The following POU6F2 variants were observed in gnomAD, a reference collection of about 807,000 sequenced individuals.
POU6F2 encodes the protein POU domain, class 6, transcription factor 2.
Under a neutral mutation model 71.3 loss-of-function variants are expected in POU6F2, and 31 were observed. That is an observed-to-expected ratio of 0.43 (90% CI 0.33 to 0.59). POU6F2 has a LOEUF of 0.59. Ranked by LOEUF, POU6F2 falls within the 20% of genes least tolerant of loss-of-function variation. The pLI is 0.04. For missense variants in POU6F2, 783 were observed against 856.8 expected (o/e 0.91, Z 1.07); for synonymous variants, 347 against 355.7 (o/e 0.98, Z 0.27).
At chr7:39,140,147 C>A (rs1792465321) in intron 2 of POU6F2, among the ~76,000 whole-genome samples, 3 of 152,114 alleles carry the variant, frequency 2.0e-5, no homozygotes, top group Admixed American at 2.0e-4. Context: ...CTTTATTAAT[C>A]CTGCAAATGT....
chr7:39,073,623 A>G (rs748736900), intron 1 of POU6F2, among the ~76,000 whole-genome samples: 2 of 152,204 alleles, frequency 1.3e-5, no homozygotes, highest in African/African-American at 2.4e-5. Context: ...AGAGGGAGGG[A>G]CGGAGCAGCT....
chr7:39,317,556 CACTT>C (rs1017654840), intron 4 of POU6F2, among the ~76,000 whole-genome samples: 64 of 152,304 alleles, frequency 4.2e-4, no homozygotes, highest in African/African-American at 1.5e-3. Context: ...GGTTTCTTTT[CACTT>C]ACTTGTTTTA....
chr7:39,424,864 G>A (rs1787932820), intron 6 of POU6F2, among the ~76,000 whole-genome samples: 1 of 151,968 alleles, frequency 6.6e-6, no homozygotes, highest in East Asian at 1.9e-4. Flanking sequence ...AGTGTGGAGT[G>A]TGCTAGATTC....
At chr7:39,383,097 G>A (rs770481302) in intron 5 of POU6F2, among the ~76,000 whole-genome samples, 50 of 152,252 alleles carry the variant, frequency 3.3e-4, no homozygotes, top group Non-Finnish European at 3.7e-4. Context: ...AAGAGGACAG[G>A]TACCAAAATA....
chr7:39,207,275 G>GT, intron 3 of POU6F2, 117 bp from the exon 4 acceptor site: 3 of 927,684 alleles, frequency 3.2e-6, no homozygotes, highest in Non-Finnish European at 4.8e-6. Flanking sequence ...GATAGGGCAT[G>GT]TTTTTTGGTA....
chr7:39,329,828 G>A (rs550193110), intron 4 of POU6F2, among the ~76,000 whole-genome samples: 1 of 152,268 alleles, frequency 6.6e-6, no homozygotes, highest in South Asian at 2.1e-4. Context: ...CTGCATCTGA[G>A]AGAGTCCAAT....
rs555917160 is a variant in POU6F2 at position 39,343,708 on chromosome 7, T to G, written c.972+3693T>G. ...TGAGTCCCCCTTCTAGTTCTGACCCTGCCTCCAACTAACTCATAACTTTGG... is the reference window on the plus strand; with the variant it reads ...TGAGTCCCCCTTCTAGTTCTGACCCGGCCTCCAACTAACTCATAACTTTGG... On this transcript the variant is annotated intron_variant, in intron 5 of 9. Transcript: ENST00000518318. Among the ~76,000 whole-genome samples, 5 of 152,282 alleles carry G rather than the reference T, an allele frequency of 3.3e-5. No homozygotes were observed. The South Asian group carries it at 1.0e-3, about 32-fold the overall frequency.
At chr7:39,380,093 A>G (rs766937805) in intron 5 of POU6F2, among the ~76,000 whole-genome samples, 4 of 152,226 alleles carry the variant, frequency 2.6e-5, no homozygotes, top group South Asian at 2.1e-4. Context: ...AAAAATTGCC[A>G]TATTATTCAC....
intron 5 of POU6F2, among the ~76,000 whole-genome samples, chr7:39,354,767 T>C (rs1425662137): frequency 6.6e-6 from 1 of 152,170 alleles, no homozygotes; most frequent in Non-Finnish European, 1.5e-5. Context: ...TTAGGAGGAA[T>C]GTAAGACTTC....
At chr7:39,427,710 A>G (rs916377521) in intron 6 of POU6F2, among the ~76,000 whole-genome samples, 1 of 152,334 alleles carries the variant, frequency 6.6e-6, no homozygotes. Flanking sequence ...GAAAGATCTG[A>G]GGAAGTCACC....
intron 1 of POU6F2, among the ~76,000 whole-genome samples, chr7:39,074,480 C>G (rs574855281): frequency 1.3e-5 from 2 of 150,742 alleles, no homozygotes; most frequent in South Asian, 2.1e-4. Context: ...ACTTGTCCCC[C>G]CCTCAAAAAA....
At chr7:39,050,845 T>C (rs545721453) in intron 1 of POU6F2, among the ~76,000 whole-genome samples, 4 of 152,234 alleles carry the variant, frequency 2.6e-5, no homozygotes, top group Non-Finnish European at 5.9e-5. Flanking sequence ...TCATGAAAAT[T>C]TGATAGTTTT....
At chr7:39,257,877 A>G (rs1418319126) in intron 4 of POU6F2, among the ~76,000 whole-genome samples, 1 of 152,042 alleles carries the variant, frequency 6.6e-6, no homozygotes, top group East Asian at 1.9e-4. Context: ...ATTTTTCCCC[A>G]TAGACGTGTT....
chr7:39,018,918 C>T (rs13244920), intron 1 of POU6F2, among the ~76,000 whole-genome samples: 30,940 of 152,052 alleles, frequency 0.2, 3,453 homozygotes, highest in South Asian at 0.36. Context: ...AATTCATTTG[C>T]TTCTTGGAAA....
intron 4 of POU6F2, among the ~76,000 whole-genome samples, chr7:39,245,190 G>A (rs1783798345): frequency 6.6e-6 from 1 of 152,130 alleles, no homozygotes; most frequent in South Asian, 2.1e-4. Context: ...AAACCTGCTT[G>A]GAGAAAATAT....
At chr7:39,185,798 C>CAT (rs199572267) in intron 2 of POU6F2, among the ~76,000 whole-genome samples, 129 of 141,330 alleles carry the variant, frequency 9.1e-4, no homozygotes, top group Middle Eastern at 3.6e-3. Flanking sequence ...ACTTGGTATA[C>CAT]ATATATATAT....
chr7:39,427,173 G>A (rs1013359485), intron 6 of POU6F2, among the ~76,000 whole-genome samples: 1 of 152,166 alleles, frequency 6.6e-6, no homozygotes, highest in Admixed American at 6.5e-5. Context: ...TATTTGGCTG[G>A]TAAACCACAG....
At chr7:39,320,351 G>A (rs1785360510) in intron 4 of POU6F2, among the ~76,000 whole-genome samples, 1 of 152,176 alleles carries the variant, frequency 6.6e-6, no homozygotes, top group South Asian at 2.1e-4. Flanking sequence ...GTCCCCCGCA[G>A]ATGCTGTCAG....
intron 2 of POU6F2, among the ~76,000 whole-genome samples, chr7:39,201,899 G>A (rs1472821731): frequency 6.6e-6 from 1 of 152,126 alleles, no homozygotes; most frequent in South Asian, 2.1e-4. Context: ...TTAGTTTATG[G>A]TCCTGCAAGG....
Sources: gnomAD v4.1 joint callset for allele counts (sites outside exome capture counted in the v4.1 genomes callset) on GRCh38, gnomAD v4.1.1 for gene constraint, MANE v1.5 for transcripts, NCBI Gene and HGNC (gene_info 2026-07-23, HGNC 2026-07-21) for gene names.